SPRYD4: variants seen among roughly 807,000 people sequenced by gnomAD.
SPRYD4 encodes SPRY domain containing 4, also known as SPRY domain-containing protein 4.
A neutral mutation model predicts 16.6 loss-of-function variants in SPRYD4; 12 were observed. The ratio of observed to expected loss-of-function variants is 0.72; its 90% confidence interval spans 0.46 to 1.17. SPRYD4 has a LOEUF of 1.17. SPRYD4 is among the 50% of genes most tolerant of loss of function. The pLI, the probability that SPRYD4 is intolerant of heterozygous loss-of-function variation, is 0.00. For missense variants in SPRYD4, 260 were observed against 260.2 expected (o/e 1.00, Z 0.00); for synonymous variants, 98 against 105.4 (o/e 0.93, Z 0.43).
At position 56,476,962 on chromosome 12, in the gene SPRYD4, T is replaced by G. The variant is rs563545970; in HGVS notation, c.*7385T>G. The G allele has an allele frequency of 6.6e-6, 1 of 152,374 alleles. No individual in the cohort carries two copies. Among genetic ancestry groups the G allele is most frequent in the African/African-American group, 2.4e-5 (1 of 41,564 alleles). The allele number at this position is 152,374 out of a possible 1,614,324, so 9.4% of individuals were successfully genotyped here. ...GAGGCAGGTCCCAGATACAGGTTTGTAGATGGAGCCATCACAGAACAAGGG... is the reference window on the plus strand; with the variant it reads ...GAGGCAGGTCCCAGATACAGGTTTGGAGATGGAGCCATCACAGAACAAGGG... On this transcript the variant is annotated 3_prime_UTR_variant, in exon 2 of 2. Coordinates refer to ENST00000338146, the MANE Select transcript of SPRYD4 (RefSeq NM_207344.4).
At position 56,478,268 on chromosome 12, in the gene SPRYD4, C is replaced by G; in HGVS notation, c.*8691C>G. 6.2e-7 allele frequency: 1 copy of G among 1,613,970 alleles called. No individual in the cohort carries two copies. The highest frequency in any genetic ancestry group is 8.5e-7 in the Non-Finnish European group (1 of 1,179,904). ...TGAGGGATGTAGGCTGCCACCTGGA[C>G]ATGAGTGGGTAGAGAAAAGGGAGAT... On this transcript the variant is annotated 3_prime_UTR_variant, in exon 2 of 2. Coordinates refer to ENST00000338146, the MANE Select transcript of SPRYD4 (RefSeq NM_207344.4).
In SPRYD4 at chr12:56,474,328, A is replaced by G. The variant is rs1275810858; in HGVS notation, c.*4751A>G. The G allele has an allele frequency of 1.8e-6, 1 of 570,906 alleles. No individual in the cohort carries two copies. The highest frequency in any genetic ancestry group is 3.2e-5 in the East Asian group (1 of 31,688). 35.4% of individuals were successfully genotyped at this position (570,906 alleles called of 1,614,324 possible). On this transcript the variant is annotated 3_prime_UTR_variant, in exon 2 of 2. Transcript: ENST00000338146. ...GGTCTCGAACTCCTGACCTCAGGTG[A>G]TCCACCTGCCTCGGCCTCCCAAAGA... is the stretch of plus-strand genomic sequence containing the variant.
At position 56,474,915 on chromosome 12, in the gene SPRYD4, A is replaced by C; in HGVS notation, c.*5338A>C. ...GAAAGCACTGCAAGGAAGAGAGGGG[A>C]GAGCATTTCTCTTCAGGACATCAGC... is the stretch of plus-strand genomic sequence containing the variant. On this transcript the variant is annotated 3_prime_UTR_variant, in exon 2 of 2. Transcript: ENST00000338146. The C allele has an allele frequency of 6.2e-7, 1 of 1,614,082 alleles. No homozygotes were observed. The highest frequency in any genetic ancestry group is 8.5e-7 in the Non-Finnish European group (1 of 1,179,984).
chr12:56,475,983 GAGAA>G lies in SPRYD4; in HGVS notation c.*6410_*6413del, dbSNP rs1485570611. On this transcript the variant is annotated 3_prime_UTR_variant, in exon 2 of 2. Coordinates refer to ENST00000338146, the MANE Select transcript of SPRYD4 (RefSeq NM_207344.4). ...TCTGCTTTGTTACAGTCCATCTGCA[GAGAA>G]AGAGAGAGATGTCAGCATTCTAAGT... 2.5e-6 allele frequency: 4 copies of G among 1,612,502 alleles called. No individual in the cohort carries two copies. Among genetic ancestry groups the G allele is most frequent in the Non-Finnish European group, 3.4e-6 (4 of 1,179,908 alleles).
In SPRYD4 at chr12:56,474,278, G is replaced by A. The variant is rs1401413710; in HGVS notation, c.*4701G>A. ...CTAATTTTTTGTATTTAGTAGAGAT[G>A]GGGTTTCACCATGTAGGTCAGGCTG... is the stretch of plus-strand genomic sequence containing the variant. On this transcript the variant is annotated 3_prime_UTR_variant, in exon 2 of 2. Transcript: ENST00000338146. 5 of 432,354 alleles carry A rather than the reference G, an allele frequency of 1.2e-5. No homozygotes were observed. The highest frequency in any genetic ancestry group is 1.1e-4 in the Admixed American group (3 of 27,232). The allele number at this position is 432,354 out of a possible 1,614,324, so 26.8% of individuals were successfully genotyped here.
At position 56,472,184 on chromosome 12, in the gene SPRYD4, G is replaced by T; in HGVS notation, c.*2607G>T. On this transcript the variant is annotated 3_prime_UTR_variant, in exon 2 of 2. Transcript: ENST00000338146. ...GTCTTTCTGTTCCATATCCATGGCT[G>T]ACAAGGCAAACCTGAGGGTAGTGGG... 6.2e-7 allele frequency: 1 copy of T among 1,614,142 alleles called. No individual in the cohort carries two copies. The highest frequency in any genetic ancestry group is 1.1e-5 in the South Asian group (1 of 91,060).
rs1199310789 is a variant in SPRYD4, at chr12:56,469,266, G to A, written c.313G>A (p.Ala105Thr). ...CTCCCAGCAGTTCCGGATAGGAGTG[G>A]CAGATGTGGACATGTCCCGGGATAG... ...KRSQQFRIGVADVDMSRDSCI... is the reference protein window; with the variant it reads ...KRSQQFRIGVTDVDMSRDSCI... Residue 105 changes from alanine (A) to threonine (T), a missense_variant, in exon 2 of 2, where the codon GCA becomes ACA. Ala to Thr is a moderately conservative substitution (Grantham distance 58, BLOSUM62 0). Coordinates refer to ENST00000338146, the MANE Select transcript of SPRYD4 (RefSeq NM_207344.4). 1 of 1,613,976 alleles carries A rather than the reference G, an allele frequency of 6.2e-7. No individual in the cohort carries two copies. The highest frequency in any genetic ancestry group is 1.3e-5 in the African/African-American group (1 of 74,908).
At position 56,478,384 on chromosome 12, in the gene SPRYD4, G is replaced by T; in HGVS notation, c.*8807G>T. 1.0e-6 allele frequency: 1 copy of T among 985,146 alleles called. No individual in the cohort carries two copies. Among genetic ancestry groups the T allele is most frequent in the Non-Finnish European group, 1.5e-6 (1 of 654,892 alleles). The allele number at this position is 985,146 out of a possible 1,614,324, so 61.0% of individuals were successfully genotyped here. A position where few individuals can be genotyped will look rare whatever the true frequency, so the allele number is the denominator to read the frequency against. ...ATTCTGTCTTCTATAGGGCAGAGGG[G>T]TTCCCTCCTGCCTGTTGCTCCCAGA... On this transcript the variant is annotated 3_prime_UTR_variant, in exon 2 of 2. Coordinates refer to ENST00000338146, the MANE Select transcript of SPRYD4 (RefSeq NM_207344.4).
At position 56,475,616 on chromosome 12, in the gene SPRYD4, G is replaced by C; in HGVS notation, c.*6039G>C. ...TGCTTTCAGTCAGTCCTCTGAGTAG[G>C]GACTTACGTGGCATTGCTGAAACCC... On this transcript the variant is annotated 3_prime_UTR_variant, in exon 2 of 2. Coordinates refer to ENST00000338146, the MANE Select transcript of SPRYD4 (RefSeq NM_207344.4). 1 of 1,613,868 alleles carries C rather than the reference G, an allele frequency of 6.2e-7. No homozygotes were observed. Among genetic ancestry groups the C allele is most frequent in the Non-Finnish European group, 8.5e-7 (1 of 1,179,828 alleles).
rs1358995129 is a variant in SPRYD4, at chr12:56,474,739, G to A, written c.*5162G>A. The A allele has an allele frequency of 1.2e-6, 2 of 1,609,048 alleles. No individual in the cohort carries two copies. The highest frequency in any genetic ancestry group is 1.7e-6 in the Non-Finnish European group (2 of 1,176,688). On this transcript the variant is annotated 3_prime_UTR_variant, in exon 2 of 2. Transcript: ENST00000338146. ...AACACAGCTATGAAAACAAAGAATA[G>A]GTGAAGATGTGACGTGAACCTGCAC...
At position 56,473,043 on chromosome 12, in the gene SPRYD4, C is replaced by T. The variant is rs1355800771; in HGVS notation, c.*3466C>T. ...TAGCTGGGACCACAGGCGCGTGCCA[C>T]CACGTCTGGCTAATTTTTTGTATTT... On this transcript the variant is annotated 3_prime_UTR_variant, in exon 2 of 2. Transcript: ENST00000338146. 1.6e-6 allele frequency: 1 copy of T among 621,580 alleles called. No individual in the cohort carries two copies. The highest frequency in any genetic ancestry group is 2.9e-5 in the East Asian group (1 of 34,582). 38.5% of individuals were successfully genotyped at this position (621,580 alleles called of 1,614,324 possible).
Position 56,478,860 on chromosome 12 carries a change from G to A in SPRYD4, c.*9283G>A. The A allele has an allele frequency of 1.6e-6, 1 of 612,614 alleles. No individual in the cohort carries two copies. Among genetic ancestry groups the A allele is most frequent in the Non-Finnish European group, 2.7e-6 (1 of 367,938 alleles). The allele number at this position is 612,614 out of a possible 1,614,324, so 37.9% of individuals were successfully genotyped here. On this transcript the variant is annotated 3_prime_UTR_variant, in exon 2 of 2. Transcript: ENST00000338146. The stretch of plus-strand genomic sequence containing the variant: ...ATACAAAAATTAGTCGGGCATGGTG[G>A]TGTATGCCAGCTACTCGGGAGGCTG...
Position 56,472,462 on chromosome 12 carries a change from G to A in SPRYD4, c.*2885G>A. On this transcript the variant is annotated 3_prime_UTR_variant, in exon 2 of 2. Coordinates refer to ENST00000338146, the MANE Select transcript of SPRYD4 (RefSeq NM_207344.4). ...TTGAGGCAGGGTACCTACTTCCTAG[G>A]ACACTGCTCTTAACACTCAATAACA... The A allele has an allele frequency of 1.7e-6, 1 of 604,842 alleles. No homozygotes were observed. Among genetic ancestry groups the A allele is most frequent in the Non-Finnish European group, 2.9e-6 (1 of 343,308 alleles). The allele number at this position is 604,842 out of a possible 1,614,324, so 37.5% of individuals were successfully genotyped here.
In SPRYD4 at chr12:56,474,071, C is replaced by G. The variant is rs1183697104; in HGVS notation, c.*4494C>G. ...GAAGCACAATTCAGGAGCTGCAACA[C>G]CTCTGGTTGTTTTTCTTTTTCTTTT... On this transcript the variant is annotated 3_prime_UTR_variant, in exon 2 of 2. Transcript: ENST00000338146. 5.4e-6 allele frequency: 1 copy of G among 184,026 alleles called. No individual in the cohort carries two copies. The highest frequency in any genetic ancestry group is 1.7e-4 in the East Asian group (1 of 5,886). The allele number at this position is 184,026 out of a possible 1,614,324, so 11.4% of individuals were successfully genotyped here. A position where few individuals can be genotyped will look rare whatever the true frequency, so the allele number is the denominator to read the frequency against.
In SPRYD4 at chr12:56,471,731, G is replaced by A. The variant is rs867486607; in HGVS notation, c.*2154G>A. 8.1e-6 allele frequency: 13 copies of A among 1,612,140 alleles called. No individual in the cohort carries two copies. The South Asian group carries it at 1.1e-4, about 14-fold the overall frequency. ...GCATGGTGGCTGGAGGGTAGGTGGA[G>A]AAGCTGTGCCCACCCTCCTCCACTT... is the stretch of plus-strand genomic sequence containing the variant. On this transcript the variant is annotated 3_prime_UTR_variant, in exon 2 of 2. Coordinates refer to ENST00000338146, the MANE Select transcript of SPRYD4 (RefSeq NM_207344.4).
In SPRYD4 at chr12:56,479,170, C is replaced by T. The variant is rs1465207802; in HGVS notation, c.*9593C>T. 1.9e-6 allele frequency: 3 copies of T among 1,613,680 alleles called. No homozygotes were observed. ...TGCCTGGGTCAGGAGCACAATGTTG[C>T]TGCTCACACACCTGGATCCCAGACA... is the stretch of plus-strand genomic sequence containing the variant. On this transcript the variant is annotated 3_prime_UTR_variant, in exon 2 of 2. Coordinates refer to ENST00000338146, the MANE Select transcript of SPRYD4 (RefSeq NM_207344.4).
rs1870072980 is a variant in SPRYD4 at position 56,479,028 on chromosome 12, C to T, written c.*9451C>T. The T allele has an allele frequency of 6.2e-7, 1 of 1,610,390 alleles. No homozygotes were observed. On this transcript the variant is annotated 3_prime_UTR_variant, in exon 2 of 2. Coordinates refer to ENST00000338146, the MANE Select transcript of SPRYD4 (RefSeq NM_207344.4). ...AAAATCTGGCCCAGGTCCCTGACCC[C>T]TCCCTTAGTCCCCTGACTCTCACTT...
rs1870102047 is a variant in SPRYD4 at position 56,479,370 on chromosome 12, A to C, written c.*9793A>C. 4.8e-6 allele frequency: 3 copies of C among 619,154 alleles called. No individual in the cohort carries two copies. Among genetic ancestry groups the C allele is most frequent in the Non-Finnish European group, 7.9e-6 (3 of 378,738 alleles). 38.4% of individuals were successfully genotyped at this position (619,154 alleles called of 1,614,324 possible). On this transcript the variant is annotated 3_prime_UTR_variant, in exon 2 of 2. Coordinates refer to ENST00000338146, the MANE Select transcript of SPRYD4 (RefSeq NM_207344.4). ...CCGTACCTCTAAAATGAGGGGTTTT[A>C]ATGATGTGGAAAGACACTATGTCTT...
At position 56,478,522 on chromosome 12, in the gene SPRYD4, CCT is replaced by C; in HGVS notation, c.*8946_*8947del. On this transcript the variant is annotated 3_prime_UTR_variant, in exon 2 of 2. Transcript: ENST00000338146. ...AAGGAGAATTCTGAGGCAACCTTCC[CCT>C]TTTGGTTCTTAGGCTCAGTTACCCT... is the stretch of plus-strand genomic sequence containing the variant. 1 of 470,818 alleles carries C rather than the reference CCT, an allele frequency of 2.1e-6. No individual in the cohort carries two copies. The highest frequency in any genetic ancestry group is 3.9e-6 in the Non-Finnish European group (1 of 259,528). The allele number at this position is 470,818 out of a possible 1,614,324, so 29.2% of individuals were successfully genotyped here.
Sources: gnomAD v4.1 joint callset for allele counts on GRCh38, gnomAD v4.1.1 for gene constraint, MANE v1.5 for transcripts, NCBI Gene and HGNC (gene_info 2026-07-23, HGNC 2026-07-21) for gene names.